Variants in BAHD1 observed in about 807,000 individuals in gnomAD.
BAHD1 encodes bromo adjacent homology domain-containing 1 protein.
In BAHD1, 20 loss-of-function variants were observed where a neutral mutation model predicts 63.1. The ratio of observed to expected loss-of-function variants is 0.32; its 90% CI spans 0.22 to 0.46. BAHD1 has a LOEUF of 0.46. Among genes scored for constraint, BAHD1 ranks in the 20% least tolerant of loss-of-function variants. BAHD1 has a pLI of 1.00. For missense variants in BAHD1, 939 were observed against 1,071.8 expected (o/e 0.88, Z 1.73); for synonymous variants, 408 against 426.8 (o/e 0.96, Z 0.54).
chr15:40,442,986 C>T (rs142078167), intron 1 of BAHD1, among the ~76,000 whole-genome samples: 16 of 152,218 alleles, frequency 1.1e-4, no homozygotes, highest in Non-Finnish European at 2.1e-4. Flanking sequence ...CAGCTGTGAG[C>T]TGGATGTTGT....
rs1415687083 is a variant in BAHD1, at chr15:40,459,735, C to T, written c.1271C>T (p.Ser424Leu). The change falls in exon 2 of 7, where the codon TCA becomes TTA. Residue 424 changes from serine to leucine, a missense_variant. Coordinates refer to ENST00000416165, the MANE Select transcript of BAHD1 (RefSeq NM_014952.5). ...CTCTTAGCTCCGAGCTCAGTGCCCT[C>T]AGGCACCCCTTTCCAGCACCCTCCC... ...GLLLAPSSVP[S>L]GTPFQHPPWG... is the part of the protein sequence containing the mutation. 1 of 1,614,030 alleles carries T rather than the reference C, an allele frequency of 6.2e-7. No homozygotes were observed. The highest frequency in any genetic ancestry group is 1.1e-5 in the South Asian group (1 of 91,080).
chr15:40,459,284 G>T lies in BAHD1; in HGVS notation c.820G>T (p.Gly274Cys). ...CTCTGGGGAGGCTGCAGGCCCACCT[G>T]GCTGGCAAGGCTGCCCTGATGAACC... is the stretch of plus-strand genomic sequence containing the variant. ...ASSGEAAGPPGWQGCPDEPWP... is the reference protein window; with the variant it reads ...ASSGEAAGPPCWQGCPDEPWP... Residue 274 changes from glycine to cysteine, a missense_variant, in exon 2 of 7, where the codon GGC becomes TGC. Transcript: ENST00000416165. The T allele has an allele frequency of 6.2e-7, 1 of 1,612,924 alleles. No individual in the cohort carries two copies. Among genetic ancestry groups the T allele is most frequent in the Non-Finnish European group, 8.5e-7 (1 of 1,179,988 alleles).
chr15:40,460,025 A>G, intron 2 of BAHD1, 129 bp downstream of exon 2: 1 of 1,206,010 alleles, frequency 8.3e-7, no homozygotes, highest in Non-Finnish European at 1.1e-6. Flanking sequence ...GGGGGCTTTC[A>G]GAAGTGAGAA....
At chr15:40,456,933 C>A (rs1036701703) in intron 1 of BAHD1, among the ~76,000 whole-genome samples, 1 of 152,220 alleles carries the variant, frequency 6.6e-6, no homozygotes, top group Non-Finnish European at 1.5e-5. Flanking sequence ...CTCTGACCAC[C>A]GCCCTCTGCA....
At chr15:40,463,633 C>T (rs1012022530) in intron 3 of BAHD1, among the ~76,000 whole-genome samples, 2 of 152,212 alleles carry the variant, frequency 1.3e-5, no homozygotes, top group Admixed American at 6.5e-5. Context: ...GGTCAGAGCT[C>T]AGCCCCAGAA....
At chr15:40,440,727 T>C (rs1461135695), upstream of BAHD1, among the ~76,000 whole-genome samples, 1 of 151,014 alleles carries the variant, frequency 6.6e-6, no homozygotes, top group Non-Finnish European at 1.5e-5. Flanking sequence ...GCCCCACCAC[T>C]CCCCGCACCG....
chr15:40,446,216 A>G (rs996666073), intron 1 of BAHD1, among the ~76,000 whole-genome samples: 4 of 152,242 alleles, frequency 2.6e-5, no homozygotes, highest in African/African-American at 9.6e-5. Context: ...TGGTACTGCC[A>G]CTAATGATCA....
chr15:40,447,580 A>G (rs1338974724), intron 1 of BAHD1, among the ~76,000 whole-genome samples: 2 of 50,778 alleles, frequency 3.9e-5, no homozygotes, highest in African/African-American at 1.0e-4. Context: ...ATAAATAAAT[A>G]AATAAATAAA....
chr15:40,441,737 C>T (rs892867144), intron 1 of BAHD1, among the ~76,000 whole-genome samples: 3 of 149,626 alleles, frequency 2.0e-5, no homozygotes, highest in African/African-American at 7.3e-5. Context: ...CCCCCTCCCC[C>T]ATCGCGGTCC....
intron 2 of BAHD1, 62 bp downstream of exon 2, chr15:40,459,958 TG>T: frequency 6.7e-7 from 1 of 1,503,102 alleles, no homozygotes. Context: ...CCCAGGAGGT[TG>T]GGCTGTTGAT....
At chr15:40,443,233 A>G (rs1389700613) in intron 1 of BAHD1, 2 of 984,420 alleles carry the variant, frequency 2.0e-6, no homozygotes, top group Non-Finnish European at 2.4e-6. Flanking sequence ...AGAGGGTAGC[A>G]TGGGCATGGG....
rs1476960135 is a variant in BAHD1 at position 40,466,178 on chromosome 15, G to A, written c.*48G>A. On this transcript the variant is annotated 3_prime_UTR_variant, in exon 7 of 7. Transcript: ENST00000416165. ...CTACCCATGGGCAAGTGGGGCTCGG[G>A]GTAGGGGGCACTGCTTGAAGCACAG... 1 of 1,572,798 alleles carries A rather than the reference G, an allele frequency of 6.4e-7. No individual in the cohort carries two copies. Among genetic ancestry groups the A allele is most frequent in the Non-Finnish European group, 8.7e-7 (1 of 1,154,540 alleles).
rs758465313 is a variant in BAHD1, at chr15:40,465,937, A to G, written c.2154-4A>G. The G allele has an allele frequency of 1.9e-6, 3 of 1,578,730 alleles. No individual in the cohort carries two copies. Among genetic ancestry groups the G allele is most frequent in the Non-Finnish European group, 2.6e-6 (3 of 1,164,052 alleles). On this transcript the variant is annotated splice_polypyrimidine_tract_variant and splice_region_variant and intron_variant, in intron 6 of 6. Coordinates refer to ENST00000416165, the MANE Select transcript of BAHD1 (RefSeq NM_014952.5). ...TAAAGACAGTGAATGGTATCTCTCT[A>G]CAGGTTCTGTGCCATGGCCAAGCGC...
At chr15:40,454,882 C>T (rs1893804976) in intron 1 of BAHD1, among the ~76,000 whole-genome samples, 1 of 152,154 alleles carries the variant, frequency 6.6e-6, no homozygotes, top group Non-Finnish European at 1.5e-5. Context: ...CTGGGATCCC[C>T]TCTCCCCAAC....
chr15:40,462,075 C>T lies in BAHD1; in HGVS notation c.1596C>T (p.Ala532=). The T allele has an allele frequency of 9.9e-6, 16 of 1,613,688 alleles. No individual in the cohort carries two copies. The highest frequency in any genetic ancestry group is 1.3e-5 in the Non-Finnish European group (15 of 1,180,026). Residue 532 remains alanine (A), a synonymous_variant, in exon 3 of 7, where the codon GCC becomes GCT. Transcript: ENST00000416165. ...QTPTSEPQTV[A]RACPQSAKPP... is the part of the protein sequence containing the mutation. ...CCACCTCGGAGCCCCAGACAGTAGC[C>T]CGTGCGTGCCCTCAGAGCGCCAAAC...
upstream of BAHD1, among the ~76,000 whole-genome samples, chr15:40,440,562 A>G (rs1347943979): frequency 4.8e-5 from 6 of 124,146 alleles, no homozygotes; most frequent in African/African-American, 1.8e-4. Flanking sequence ...GCGGGGGGAG[A>G]TAAGATTTTT....
chr15:40,446,465 T>G (rs1269299667), intron 1 of BAHD1, among the ~76,000 whole-genome samples: 1 of 152,150 alleles, frequency 6.6e-6, no homozygotes, highest in Admixed American at 6.5e-5. Context: ...TCAGATTTCA[T>G]TTTTCCCAGT....
chr15:40,441,937 G>A (rs1893416286), intron 1 of BAHD1, among the ~76,000 whole-genome samples: 1 of 151,828 alleles, frequency 6.6e-6, no homozygotes, highest in Admixed American at 6.5e-5. Context: ...GAAGGGAGGC[G>A]CCGAAGACGG....
intron 1 of BAHD1, among the ~76,000 whole-genome samples, chr15:40,447,560 G>GAATAAATAAATAAATA (rs145969802): frequency 7.2e-6 from 1 of 138,778 alleles, no homozygotes; most frequent in Non-Finnish European, 1.5e-5. Context: ...TCTGTCTCCA[G>GAATAAATAAATAAATA]AATAAATAAA....
Sources: gnomAD v4.1 joint callset for allele counts (sites outside exome capture counted in the v4.1 genomes callset) on GRCh38, gnomAD v4.1.1 for gene constraint, MANE v1.5 for transcripts, NCBI Gene and HGNC (gene_info 2026-07-23, HGNC 2026-07-21) for gene names.